Variants in KCNJ6 observed in about 807,000 individuals in gnomAD.
KCNJ6 encodes the protein G protein-activated inward rectifier potassium channel 2.
KCNJ6 carries 9 observed loss-of-function variants against 34.2 expected under a neutral mutation model. The ratio of observed to expected loss-of-function variants is 0.26; its 90% CI spans 0.16 to 0.46. The LOEUF is 0.46. Ranked by LOEUF, KCNJ6 falls within the 20% of genes least tolerant of loss-of-function variation. The probability of loss-of-function intolerance (pLI) is 1.00; values close to 1 mark genes in which losing one functional copy is unlikely to be tolerated. For missense variants in KCNJ6, 236 were observed against 531.3 expected, an observed-to-expected ratio of 0.44 and a Z score of 5.46; for synonymous variants, 196 against 207.1, an observed-to-expected ratio of 0.95 and a Z score of 0.46.
At chr21:37,888,856 G>C (rs1245246061) in intron 1 of KCNJ6, among the ~76,000 whole-genome samples, 1 of 152,240 alleles carries the variant, frequency 6.6e-6, no homozygotes, top group Non-Finnish European at 1.5e-5. Context: ...TGGACAAGCA[G>C]CCAGGCCATG....
chr21:37,789,374 T>TAG (rs2055206578), intron 2 of KCNJ6, among the ~76,000 whole-genome samples: 1 of 152,134 alleles, frequency 6.6e-6, no homozygotes, highest in African/African-American at 2.4e-5. Context: ...TTATAAGAAG[T>TAG]AGAGAGATCT....
At chr21:37,840,599 G>T in intron 2 of KCNJ6, 59 bp downstream of exon 2, 2 of 1,177,146 alleles carry the variant, frequency 1.7e-6, no homozygotes, top group Non-Finnish European at 1.3e-6. Flanking sequence ...TCTTTTTTGT[G>T]CGATTTTGCA....
rs55953891 is a variant in KCNJ6, at chr21:37,667,154, T to TAAAAAAAAAAAAAAAAAAAAAAAAAAA, written c.947-41697_947-41671dup. 7.7e-5 allele frequency among the ~76,000 whole-genome samples: 3 copies of TAAAAAAAAAAAAAAAAAAAAAAAAAAA among 39,068 alleles called. 1 individual carries two copies. The highest frequency in any genetic ancestry group is 4.1e-4 in the Admixed American group (1 of 2,446). 25.6% of individuals were successfully genotyped at this position (39,068 alleles called of 152,430 possible). A position where few individuals can be genotyped will look rare whatever the true frequency, so the allele number is the denominator to read the frequency against. On this transcript the variant is annotated intron_variant, in intron 3 of 3. Transcript: ENST00000609713. ...ACACCCAAGAATGAGCAATAAATAC[T>TAAAAAAAAAAAAAAAAAAAAAAAAAAA]AAAAAAAAAAAAAAAAAAAAAAAAA...
At chr21:37,885,361 C>T (rs2055730130) in intron 1 of KCNJ6, among the ~76,000 whole-genome samples, 1 of 152,062 alleles carries the variant, frequency 6.6e-6, no homozygotes, top group Admixed American at 6.5e-5. Context: ...TCAAAGGTGG[C>T]CCCCAAGATC....
chr21:37,723,189 G>A (rs1442949598), intron 2 of KCNJ6, among the ~76,000 whole-genome samples: 3 of 152,088 alleles, frequency 2.0e-5, no homozygotes, highest in Non-Finnish European at 4.4e-5. Context: ...TAACATCTCC[G>A]ATCATCAGAG....
At position 37,625,066 on chromosome 21, in the gene KCNJ6, G is replaced by C. The variant is rs2054304514; in HGVS notation, c.*93C>G. On this transcript the variant is annotated 3_prime_UTR_variant, in exon 4 of 4. Coordinates refer to ENST00000609713, the MANE Select transcript of KCNJ6 (RefSeq NM_002240.5). Reference sequence around the variant, plus strand: ...TAAAAATTAAATATAAACAAATAAAGAACAAAGCAAGAGAGACAGAAAAAG... The same window carrying C: ...TAAAAATTAAATATAAACAAATAAACAACAAAGCAAGAGAGACAGAAAAAG... 1 of 971,928 alleles carries C rather than the reference G, an allele frequency of 1.0e-6. No homozygotes were observed. Among genetic ancestry groups the C allele is most frequent in the Admixed American group, 2.3e-5 (1 of 43,750 alleles). The allele number at this position is 971,928 out of a possible 1,614,324, so 60.2% of individuals were successfully genotyped here.
At chr21:37,888,191 G>C (rs372430367) in intron 1 of KCNJ6, among the ~76,000 whole-genome samples, 2 of 152,212 alleles carry the variant, frequency 1.3e-5, no homozygotes, top group Non-Finnish European at 2.9e-5. Context: ...TACATGGTGC[G>C]TGTGATTTTG....
At chr21:37,699,556 G>A (rs763420215) in intron 3 of KCNJ6, among the ~76,000 whole-genome samples, 1 of 152,192 alleles carries the variant, frequency 6.6e-6, no homozygotes, top group Non-Finnish European at 1.5e-5. Flanking sequence ...AGGGAAATCG[G>A]ATAACATCAA....
chr21:37,769,224 T>G (rs753883957), intron 2 of KCNJ6, among the ~76,000 whole-genome samples: 12 of 152,106 alleles, frequency 7.9e-5, no homozygotes, highest in African/African-American at 2.9e-4. Context: ...AGATGAAAAC[T>G]GAACTCTCTT....
At position 37,617,168 on chromosome 21, in the gene KCNJ6, TTTTC is replaced by T. The variant is rs1215027006; in HGVS notation, c.*7987_*7990del. The T allele has an allele frequency of 2.3e-3, 203 of 89,968 alleles. 5 individuals carry two copies. The highest frequency in any genetic ancestry group is 8.0e-3 in the African/African-American group (193 of 24,202). 5.6% of individuals were successfully genotyped at this position (89,968 alleles called of 1,614,324 possible). On this transcript the variant is annotated 3_prime_UTR_variant, in exon 4 of 4. Coordinates refer to ENST00000609713, the MANE Select transcript of KCNJ6 (RefSeq NM_002240.5). ...CCTTCCTTCCTTCTTTCTTTATCTT[TTTTC>T]CTTCCTTCCTTCCTTCCTTCCTTCC... is the stretch of plus-strand genomic sequence containing the variant.
intron 3 of KCNJ6, among the ~76,000 whole-genome samples, chr21:37,667,469 A>G (rs2054520582): frequency 6.6e-6 from 1 of 152,090 alleles, no homozygotes; most frequent in Non-Finnish European, 1.5e-5. Flanking sequence ...CATCAGGGGT[A>G]GTAGGCGCCG....
intron 1 of KCNJ6, among the ~76,000 whole-genome samples, chr21:37,888,977 A>G (rs2055748944): frequency 6.6e-6 from 1 of 152,214 alleles, no homozygotes; most frequent in Admixed American, 6.5e-5. Context: ...CTCAGGCCAG[A>G]AGCCTGCTTC....
chr21:37,884,875 G>A (rs192817929), intron 1 of KCNJ6, among the ~76,000 whole-genome samples: 3 of 152,280 alleles, frequency 2.0e-5, no homozygotes, highest in African/African-American at 7.2e-5. Context: ...TAAAATAATG[G>A]AGGGCATTAA....
chr21:37,813,605 C>T (rs1332521405), intron 2 of KCNJ6, among the ~76,000 whole-genome samples: 1 of 152,100 alleles, frequency 6.6e-6, no homozygotes, highest in Non-Finnish European at 1.5e-5. Context: ...ATCCATACAC[C>T]TGCATGAACT....
At chr21:37,774,867 T>G (rs1013563202) in intron 2 of KCNJ6, among the ~76,000 whole-genome samples, 1 of 152,210 alleles carries the variant, frequency 6.6e-6, no homozygotes, top group Non-Finnish European at 1.5e-5. Context: ...ATATACCCAG[T>G]AATGGGACGG....
At chr21:37,757,458 G>A (rs76364513) in intron 2 of KCNJ6, among the ~76,000 whole-genome samples, 26 of 101,880 alleles carry the variant, frequency 2.6e-4, no homozygotes, top group African/African-American at 9.4e-4. Context: ...ATTCCAGCCC[G>A]GAGTGAGCTC....
At chr21:37,883,477 G>A (rs1006985561) in intron 1 of KCNJ6, among the ~76,000 whole-genome samples, 2 of 152,162 alleles carry the variant, frequency 1.3e-5, no homozygotes, top group African/African-American at 4.8e-5. Context: ...CATGCTTCAT[G>A]TTACTGGGGA....
chr21:37,856,259 C>T (rs1482856428), intron 1 of KCNJ6, among the ~76,000 whole-genome samples: 1 of 152,214 alleles, frequency 6.6e-6, no homozygotes, highest in Non-Finnish European at 1.5e-5. Context: ...TGCTGGGCCA[C>T]ATTCCCTAGT....
chr21:37,774,366 T>C (rs960352516), intron 2 of KCNJ6, among the ~76,000 whole-genome samples: 1 of 152,176 alleles, frequency 6.6e-6, no homozygotes, highest in Non-Finnish European at 1.5e-5. Context: ...TTTTTTATTA[T>C]ACTTTAAGTT....
Sources: allele counts gnomAD v4.1 joint callset (sites outside exome capture counted in the v4.1 genomes callset), GRCh38; gene constraint gnomAD v4.1.1; transcripts MANE v1.5; gene names NCBI Gene and HGNC (gene_info 2026-07-23, HGNC 2026-07-21).